The following RAB3C variants were observed in gnomAD, a reference collection of about 807,000 sequenced individuals.
RAB3C encodes the protein ras-related protein Rab-3C.
A neutral mutation model predicts 26.4 loss-of-function variants in RAB3C; 17 were observed. That is an observed-to-expected ratio of 0.64 (90% CI 0.44 to 0.97). The LOEUF (loss-of-function observed/expected upper bound fraction) is 0.97, where lower values mean the gene tolerates loss of function less well. Ranked by LOEUF, RAB3C falls within the 50% of genes least tolerant of loss-of-function variation. RAB3C has a pLI of 0.00. For synonymous variants in RAB3C, 91 were observed against 95.9 expected (o/e 0.95, Z 0.30); for missense variants, 242 against 281.9 (o/e 0.86, Z 1.01).
At chr5:58,591,602 AT>A (rs377010521) in intron 1 of RAB3C, among the ~76,000 whole-genome samples, 72,947 of 147,224 alleles carry the variant, frequency 0.5, 18,405 homozygotes, top group Non-Finnish European at 0.52. Flanking sequence ...ATATATATAT[AT>A]ATATAATTTT....
intron 3 of RAB3C, among the ~76,000 whole-genome samples, chr5:58,804,667 A>ATGTGTGTGTGTG (rs142259686): frequency 6.7e-6 from 1 of 149,310 alleles, no homozygotes; most frequent in East Asian, 2.0e-4. Flanking sequence ...TGGGGTGCAT[A>ATGTGTGTGTGTG]TGTGTGTGTG....
chr5:58,718,855 A>G (rs987825779), intron 2 of RAB3C, among the ~76,000 whole-genome samples: 8 of 152,044 alleles, frequency 5.3e-5, no homozygotes, highest in Admixed American at 5.3e-4. Context: ...TGGAGGATTA[A>G]CTGCTCTAGG....
intron 2 of RAB3C, among the ~76,000 whole-genome samples, chr5:58,628,783 C>A (rs191844641): frequency 5.3e-5 from 8 of 152,246 alleles, no homozygotes; most frequent in Admixed American, 5.2e-4. Flanking sequence ...GTGCCTTCCG[C>A]CTTGCCAGGC....
At chr5:58,768,680 G>A (rs865815516) in intron 3 of RAB3C, among the ~76,000 whole-genome samples, 1 of 151,884 alleles carries the variant, frequency 6.6e-6, no homozygotes, top group African/African-American at 2.4e-5. Flanking sequence ...AGCATCTCAG[G>A]TGAAGGGAAC....
intron 1 of RAB3C, among the ~76,000 whole-genome samples, chr5:58,606,103 C>T: frequency 6.6e-6 from 1 of 152,180 alleles, no homozygotes; most frequent in South Asian, 2.1e-4. Context: ...GGCATCACCT[C>T]AGCTGGGAAG....
At chr5:58,582,178 C>T (rs1745913879), upstream of RAB3C, 2 of 154,318 alleles carry the variant, frequency 1.3e-5, no homozygotes, top group Non-Finnish European at 1.4e-5. Flanking sequence ...AGCCCTTTCT[C>T]TGCAGCTGCA....
intron 3 of RAB3C, among the ~76,000 whole-genome samples, chr5:58,820,372 A>G (rs1020003759): frequency 6.6e-6 from 1 of 152,198 alleles, no homozygotes; most frequent in African/African-American, 2.4e-5. Context: ...GGTAATTCAC[A>G]AATCACCCAA....
chr5:58,758,490 A>C (rs566688669), intron 3 of RAB3C, among the ~76,000 whole-genome samples: 42 of 152,294 alleles, frequency 2.8e-4, no homozygotes, highest in Non-Finnish European at 5.3e-4. Flanking sequence ...TAGAGTCTAA[A>C]AGAATATTTT....
intron 3 of RAB3C, among the ~76,000 whole-genome samples, chr5:58,758,927 T>C (rs192181640): frequency 1.3e-5 from 2 of 152,190 alleles, no homozygotes; most frequent in South Asian, 2.1e-4. Flanking sequence ...ACTAGGCACA[T>C]GTCTGCTGTT....
intron 3 of RAB3C, among the ~76,000 whole-genome samples, chr5:58,811,204 A>C (rs1743079694): frequency 6.6e-6 from 1 of 152,240 alleles, no homozygotes; most frequent in South Asian, 2.1e-4. Flanking sequence ...ATTACTCTCT[A>C]CAACCAAGGG....
chr5:58,607,528 G>T (rs539360700), intron 1 of RAB3C, among the ~76,000 whole-genome samples: 1 of 152,194 alleles, frequency 6.6e-6, no homozygotes, highest in South Asian at 2.1e-4. Flanking sequence ...ACCTAGCAAG[G>T]CAGGCCAACA....
intron 3 of RAB3C, among the ~76,000 whole-genome samples, chr5:58,811,145 C>A (rs940675790): frequency 2.6e-5 from 4 of 152,152 alleles, no homozygotes; most frequent in African/African-American, 7.2e-5. Context: ...GCAGCTGAAC[C>A]CATTACAGGA....
intron 2 of RAB3C, among the ~76,000 whole-genome samples, chr5:58,618,730 T>G (rs1746875445): frequency 6.6e-6 from 1 of 152,218 alleles, no homozygotes; most frequent in Non-Finnish European, 1.5e-5. Flanking sequence ...CATCGTAATA[T>G]GTACATAGGA....
At chr5:58,833,324 TCACACACACA>T (rs571940681) in intron 4 of RAB3C, among the ~76,000 whole-genome samples, 2 of 141,070 alleles carry the variant, frequency 1.4e-5, no homozygotes, top group African/African-American at 2.6e-5. Context: ...ACGGACCCCA[TCACACACACA>T]CACACACACA....
chr5:58,677,450 A>G (rs1404970024), intron 2 of RAB3C, among the ~76,000 whole-genome samples: 1 of 152,152 alleles, frequency 6.6e-6, no homozygotes, highest in African/African-American at 2.4e-5. Context: ...TATTTTCCTC[A>G]TCTGAAGTTC....
At chr5:58,822,188 C>CTT (rs1326529475) in intron 3 of RAB3C, among the ~76,000 whole-genome samples, 1 of 152,180 alleles carries the variant, frequency 6.6e-6, no homozygotes, top group Non-Finnish European at 1.5e-5. Context: ...TGCACTAGAA[C>CTT]TTCAGTTTTT....
intron 1 of RAB3C, among the ~76,000 whole-genome samples, chr5:58,614,058 C>T (rs769347154): frequency 7.2e-5 from 11 of 152,136 alleles, no homozygotes; most frequent in South Asian, 2.1e-4. Context: ...GGAAGTTGCA[C>T]GGCCTTTGAA....
intron 4 of RAB3C, among the ~76,000 whole-genome samples, chr5:58,843,325 T>C (rs1275538325): frequency 1.3e-5 from 2 of 152,214 alleles, no homozygotes; most frequent in African/African-American, 4.8e-5. Context: ...TAATTGATAA[T>C]GCATATGTTA....
intron 4 of RAB3C, among the ~76,000 whole-genome samples, chr5:58,841,288 T>C (rs1743869887): frequency 6.6e-6 from 1 of 152,326 alleles, no homozygotes; most frequent in East Asian, 1.9e-4. Flanking sequence ...ATTGCTATAC[T>C]CTTCCCCCAG....
Sources: gnomAD v4.1 joint callset for allele counts (sites outside exome capture counted in the v4.1 genomes callset) on GRCh38, gnomAD v4.1.1 for gene constraint, MANE v1.5 for transcripts, NCBI Gene and HGNC (gene_info 2026-07-23, HGNC 2026-07-21) for gene names.